ETV7: variants seen among roughly 807,000 people sequenced by gnomAD.
ETV7 encodes the protein transcription factor ETV7.
Under a neutral mutation model 39.1 loss-of-function variants are expected in ETV7, and 43 were observed. That is an observed-to-expected ratio of 1.10 (90% CI 0.86 to 1.42). The LOEUF (loss-of-function observed/expected upper bound fraction) is 1.42, where lower values mean the gene tolerates loss of function less well. Among genes scored for constraint, ETV7 ranks in the 40% most tolerant of loss-of-function variants. The probability of loss-of-function intolerance (pLI) is 0.00; values close to 1 mark genes in which losing one functional copy is unlikely to be tolerated. For missense variants in ETV7, 432 were observed against 442.3 expected (o/e 0.98, Z 0.21); for synonymous variants, 196 against 176.6 (o/e 1.11, Z -0.87).
chr6:36,363,229 C>T (rs1000021951), downstream of ETV7, among the ~76,000 whole-genome samples: 18 of 152,186 alleles, frequency 1.2e-4, no homozygotes, highest in African/African-American at 4.3e-4. Flanking sequence ...GGTGGCGCAT[C>T]TGGAGTTTGT....
At chr6:36,367,833 C>T (rs1330784336) in intron 6 of ETV7, among the ~76,000 whole-genome samples, 2 of 151,858 alleles carry the variant, frequency 1.3e-5, no homozygotes, top group Non-Finnish European at 2.9e-5. Context: ...AGTCTGCTTC[C>T]CCAGCTACAT....
At chr6:36,363,645 C>T (rs1772609932), downstream of ETV7, among the ~76,000 whole-genome samples, 3 of 152,200 alleles carry the variant, frequency 2.0e-5, no homozygotes, top group Admixed American at 2.0e-4. Context: ...GGGCAGCCTG[C>T]TTTTATTCTC....
At chr6:36,376,216 A>G (rs1005306257) in intron 2 of ETV7, among the ~76,000 whole-genome samples, 181 bp from the exon 3 acceptor site, 2 of 151,952 alleles carry the variant, frequency 1.3e-5, no homozygotes, top group Non-Finnish European at 1.5e-5. Flanking sequence ...TACATTTTAC[A>G]TTGGATAGAA....
downstream of ETV7, among the ~76,000 whole-genome samples, chr6:36,363,219 G>C (rs570353717): frequency 2.6e-5 from 4 of 152,350 alleles, no homozygotes; most frequent in African/African-American, 9.6e-5. Context: ...CAGCTCTTCA[G>C]GTGGCGCATC....
intron 5 of ETV7, among the ~76,000 whole-genome samples, chr6:36,370,405 G>A (rs1432387512): frequency 6.6e-6 from 1 of 151,956 alleles, no homozygotes; most frequent in Non-Finnish European, 1.5e-5. Context: ...TGTGGTGGTG[G>A]GCGCCTGTAA....
At chr6:36,360,163 T>TTAC (rs1772450034) in intron 7 of ETV7, among the ~76,000 whole-genome samples, 1 of 152,170 alleles carries the variant, frequency 6.6e-6, no homozygotes, top group South Asian at 2.1e-4. Flanking sequence ...AGTGCTGGGA[T>TTAC]TACAGGCATG....
chr6:36,355,939 C>T (rs1449413669), intron 7 of ETV7, among the ~76,000 whole-genome samples: 4 of 152,256 alleles, frequency 2.6e-5, no homozygotes, highest in East Asian at 1.9e-4. Flanking sequence ...TCTCCTCCTA[C>T]GACAGAGATA....
At chr6:36,381,018 C>T (rs1773624839) in intron 2 of ETV7, among the ~76,000 whole-genome samples, 2 of 152,114 alleles carry the variant, frequency 1.3e-5, no homozygotes, top group African/African-American at 4.8e-5. Context: ...CCCCTCCCCA[C>T]CTGACCAAAG....
chr6:36,385,247 G>A (rs909939953), intron 2 of ETV7, among the ~76,000 whole-genome samples: 9 of 152,116 alleles, frequency 5.9e-5, no homozygotes, highest in South Asian at 2.1e-4. Context: ...AGGCAGAGGC[G>A]AGAGGATAGC....
chr6:36,366,967 C>A lies in ETV7; in HGVS notation c.816G>T (p.Val272=). ...ARLWGNHKNR[V]NMTYEKMSRA... ...GAGACATCTTCTCGTAGGTCATGTT[C>A]ACCCGGTTCTGGAAAGCAAAGCAGC... Residue 272 remains valine, a synonymous_variant, in exon 7 of 8, where the codon GTG becomes GTT. Transcript: ENST00000340181. 1 of 1,614,022 alleles carries A rather than the reference C, an allele frequency of 6.2e-7. No homozygotes were observed. The highest frequency in any genetic ancestry group is 1.1e-5 in the South Asian group (1 of 91,066).
At chr6:36,362,234 A>T (rs145778136), downstream of ETV7, among the ~76,000 whole-genome samples, 2,352 of 152,134 alleles carry the variant, frequency 0.015, 53 homozygotes, top group South Asian at 0.052. Context: ...CCCGGGAGGC[A>T]GAGCTTGCAG....
Position 36,385,760 on chromosome 6 carries a change from A to C in ETV7, c.7-91T>G, listed in dbSNP as rs763194933. On this transcript the variant is annotated intron_variant, in intron 1 of 7. Transcript: ENST00000340181. Reference sequence around the variant, plus strand: ...TGTCTTAAGAATTTTTTTGGAAGGGAAAGAGTGTTTATCTCCACCAGAAGA... The same window carrying C: ...TGTCTTAAGAATTTTTTTGGAAGGGCAAGAGTGTTTATCTCCACCAGAAGA... 2.0e-4 allele frequency: 278 copies of C among 1,417,384 alleles called. 2 individuals carry two copies. Among genetic ancestry groups the C allele is most frequent in the Admixed American group, 1.5e-3 (63 of 41,770 alleles). The allele number at this position is 1,417,384 out of a possible 1,614,324, so 87.8% of individuals were successfully genotyped here.
chr6:36,373,208 A>G, intron 4 of ETV7, among the ~76,000 whole-genome samples: 1 of 151,850 alleles, frequency 6.6e-6, no homozygotes, highest in East Asian at 1.9e-4. Context: ...CAGAGAGGAA[A>G]TTGAGACATG....
chr6:36,367,042 G>C, intron 6 of ETV7, 67 bp from the exon 7 acceptor site: 1 of 1,217,238 alleles, frequency 8.2e-7, no homozygotes, highest in East Asian at 2.3e-5. Context: ...ACCTGGAAGG[G>C]AGTAGGGTGG....
chr6:36,385,470 T>C, intron 2 of ETV7, 64 bp downstream of exon 2: 2 of 1,602,996 alleles, frequency 1.2e-6, no homozygotes, highest in Admixed American at 3.3e-5. Flanking sequence ...AGCAAGACCC[T>C]GGATCTAAAA....
intron 6 of ETV7, 47 bp from the exon 7 acceptor site, chr6:36,367,022 C>A (rs368026454): frequency 8.4e-5 from 121 of 1,436,336 alleles, no homozygotes; most frequent in Non-Finnish European, 1.0e-4. Flanking sequence ...CCATGTCCTG[C>A]TCCTTCCACA....
chr6:36,383,727 A>G (rs1773762566), intron 2 of ETV7, among the ~76,000 whole-genome samples: 1 of 152,230 alleles, frequency 6.6e-6, no homozygotes. Context: ...AAAATGAGTC[A>G]TTTGTCATCC....
chr6:36,383,303 C>T (rs1582224842), intron 2 of ETV7, among the ~76,000 whole-genome samples: 1 of 152,156 alleles, frequency 6.6e-6, no homozygotes, highest in Non-Finnish European at 1.5e-5. Flanking sequence ...ACTCCTCCAT[C>T]CCAGTAGACC....
At chr6:36,358,862 T>G (rs1027888337) in intron 7 of ETV7, among the ~76,000 whole-genome samples, 5 of 152,232 alleles carry the variant, frequency 3.3e-5, no homozygotes, top group African/African-American at 1.2e-4. Context: ...TATTTAGAAC[T>G]CTGGGGCTTT....
Sources: allele counts gnomAD v4.1 joint callset (sites outside exome capture counted in the v4.1 genomes callset), GRCh38; gene constraint gnomAD v4.1.1; transcripts MANE v1.5; gene names NCBI Gene and HGNC (gene_info 2026-07-23, HGNC 2026-07-21).